PLEKHG1: variants seen among roughly 807,000 people sequenced by gnomAD.
PLEKHG1 encodes the protein pleckstrin homology domain-containing family G member 1.
PLEKHG1 carries 44 observed loss-of-function variants against 100.8 expected under a neutral mutation model. The observed-to-expected ratio is 0.44, with a 90% confidence interval of 0.34 to 0.56. PLEKHG1 has a LOEUF of 0.56. Among genes scored for constraint, PLEKHG1 ranks in the 20% least tolerant of loss-of-function variants. The pLI, the probability that PLEKHG1 is intolerant of heterozygous loss-of-function variation, is 0.01. For missense variants in PLEKHG1, 1,545 were observed against 1,720.9 expected (o/e 0.90, Z 1.81); for synonymous variants, 640 against 662.5 (o/e 0.97, Z 0.52).
At chr6:150,840,144 G>C in exon 16 of PLEKHG1, 1 of 1,614,230 alleles carries the variant, frequency 6.2e-7, no homozygotes, top group Non-Finnish European at 8.5e-7. Context: ...TCAAACCTCT[G>C]ACCCTCTGCC....
chr6:150,827,930 T>A, intron 14 of PLEKHG1: 2 of 1,603,600 alleles, frequency 1.2e-6, no homozygotes, highest in Non-Finnish European at 1.7e-6. Context: ...AACTGAAGAA[T>A]AAATCTGGAA....
chr6:150,651,319 C>G (rs1053103191), intron 3 of PLEKHG1: 1 of 152,156 alleles, frequency 6.6e-6, no homozygotes, highest in Non-Finnish European at 1.5e-5. Flanking sequence ...TCACTGCAAC[C>G]TCCTCCCGAT....
intron 3 of PLEKHG1, among the ~76,000 whole-genome samples, chr6:150,661,995 G>A (rs1779212378): frequency 2.0e-5 from 3 of 152,098 alleles, no homozygotes; most frequent in African/African-American, 7.2e-5. Flanking sequence ...AGAAGGATGA[G>A]GAGACAGTCA....
Position 150,831,418 on chromosome 6 carries a change from G to T in PLEKHG1, c.2307G>T (p.Leu769Phe), listed in dbSNP as rs760870021. The T allele has an allele frequency of 6.2e-7, 1 of 1,614,072 alleles. No homozygotes were observed. The highest frequency in any genetic ancestry group is 1.1e-5 in the South Asian group (1 of 91,074). Reference sequence around the variant, plus strand: ...AGCGTGCAAAGCGGAGCACCTTTTTGGGTCTGGAGGCCGACTTCGTGTGCT... The same window carrying T: ...AGCGTGCAAAGCGGAGCACCTTTTTTGGTCTGGAGGCCGACTTCGTGTGCT... Residue 769 changes from leucine (L) to phenylalanine (F), a missense_variant, in exon 15 of 16, where the codon TTG becomes TTT. Physicochemically the swap from Leu to Phe is conservative, Grantham distance 22. Coordinates refer to ENST00000358517, the Ensembl canonical transcript of PLEKHG1. The surrounding 1 kb of genome is among the most constrained non-coding windows in gnomAD (Gnocchi z 4.1).
intron 2 of PLEKHG1, among the ~76,000 whole-genome samples, chr6:150,755,413 T>G (rs536125543): frequency 2.0e-5 from 3 of 152,164 alleles, no homozygotes; most frequent in Admixed American, 2.0e-4. Context: ...CAGAGAATGG[T>G]GGGGGGATAA....
chr6:150,627,224 G>A (rs1458827363), intron 1 of PLEKHG1, among the ~76,000 whole-genome samples: 1 of 152,122 alleles, frequency 6.6e-6, no homozygotes, highest in Non-Finnish European at 1.5e-5. Flanking sequence ...ACTTTTTGTG[G>A]CAGTCAGAGA....
chr6:150,788,539 G>C (rs1038064097), intron 4 of PLEKHG1, among the ~76,000 whole-genome samples: 2 of 152,180 alleles, frequency 1.3e-5, no homozygotes, highest in African/African-American at 4.8e-5. Flanking sequence ...TGATGCTCAT[G>C]GAAGAATGAA....
chr6:150,833,043 ATTT>A (rs57683244), intron 15 of PLEKHG1, among the ~76,000 whole-genome samples: 20 of 133,486 alleles, frequency 1.5e-4, no homozygotes, highest in African/African-American at 2.0e-4. Context: ...TTACTACTCA[ATTT>A]TTTTTTTTTT....
chr6:150,670,309 A>T (rs1283188189), intron 3 of PLEKHG1, among the ~76,000 whole-genome samples: 1 of 152,154 alleles, frequency 6.6e-6, no homozygotes, highest in Non-Finnish European at 1.5e-5. Context: ...CATTGACTTT[A>T]TAAGGAATAT....
Position 150,829,679 on chromosome 6 carries a change from T to C in PLEKHG1, c.1471-903T>C, listed in dbSNP as rs540926949. Among the ~76,000 whole-genome samples the C allele has an allele frequency of 1.1e-4, 17 of 152,266 alleles. No homozygotes were observed. The South Asian group carries it at 3.1e-3, about 28-fold the overall frequency. ...TAATATTGTTCCTATTTTACTTCCTTATAGGCAACTAAATGTTAATTAAAT... is the reference window on the plus strand; with the variant it reads ...TAATATTGTTCCTATTTTACTTCCTCATAGGCAACTAAATGTTAATTAAAT... On this transcript the variant is annotated intron_variant, in intron 14 of 15. Coordinates refer to ENST00000358517, the Ensembl canonical transcript of PLEKHG1.
intron 3 of PLEKHG1, among the ~76,000 whole-genome samples, chr6:150,671,344 T>C (rs9480515): frequency 0.087 from 13,302 of 152,228 alleles, 596 homozygotes; most frequent in Admixed American, 0.1. Flanking sequence ...TACTAGTTTA[T>C]ATTCCCACCA....
intron 2 of PLEKHG1, among the ~76,000 whole-genome samples, chr6:150,759,167 C>T (rs1282396630): frequency 6.6e-6 from 1 of 152,100 alleles, no homozygotes; most frequent in Non-Finnish European, 1.5e-5. Flanking sequence ...GAAGGAAGGA[C>T]GAGAACTCAT....
At chr6:150,802,572 G>A (rs1786774688) in intron 6 of PLEKHG1, among the ~76,000 whole-genome samples, 1 of 151,872 alleles carries the variant, frequency 6.6e-6, no homozygotes, top group Non-Finnish European at 1.5e-5. Flanking sequence ...AAAAACAGTG[G>A]TTGGATTAAT....
intron 2 of PLEKHG1, among the ~76,000 whole-genome samples, chr6:150,743,716 C>A (rs1000195892): frequency 6.6e-6 from 1 of 152,162 alleles, no homozygotes; most frequent in Non-Finnish European, 1.5e-5. Flanking sequence ...TATTCCCTAC[C>A]CTTTCTCCCA....
chr6:150,717,418 C>A (rs1303682569), upstream of PLEKHG1, among the ~76,000 whole-genome samples: 5 of 151,886 alleles, frequency 3.3e-5, 1 homozygote, highest in East Asian at 9.7e-4. Flanking sequence ...TCAAGTGATC[C>A]TTCCTTCCAT....
chr6:150,714,187 C>T lies in PLEKHG1; in HGVS notation c.-98-19397C>T, dbSNP rs116921076. On this transcript the variant is annotated intron_variant, in intron 3 of 3. Coordinates refer to the PLEKHG1 transcript ENST00000367326. ...ATTGTGCTGAGCACAGCCAGTCCTC[C>T]GATGGTGTCCTTAGAGATGGGACTG... Among the ~76,000 whole-genome samples, 60 of 152,322 alleles carry T rather than the reference C, an allele frequency of 3.9e-4. No homozygotes were observed. The East Asian group carries it at 7.3e-3, about 19-fold the overall frequency.
intron 4 of PLEKHG1, among the ~76,000 whole-genome samples, chr6:150,793,390 A>G (rs539011653): frequency 6.6e-6 from 1 of 152,306 alleles, no homozygotes; most frequent in East Asian, 1.9e-4. Flanking sequence ...ACAGAGCAAG[A>G]CCCTGTCTTG....
intron 1 of PLEKHG1, among the ~76,000 whole-genome samples, chr6:150,601,072 T>TG (rs1776339777): frequency 6.6e-6 from 1 of 152,118 alleles, no homozygotes; most frequent in Non-Finnish European, 1.5e-5. Flanking sequence ...CAGAACTATA[T>TG]TGTGTTTTGT....
intron 3 of PLEKHG1, among the ~76,000 whole-genome samples, chr6:150,779,235 C>T (rs1445254335): frequency 6.6e-6 from 1 of 152,084 alleles, no homozygotes; most frequent in Admixed American, 6.5e-5. Flanking sequence ...CTGGCTGGGT[C>T]CCCGAGACAC....
Sources: allele counts gnomAD v4.1 joint callset (sites outside exome capture counted in the v4.1 genomes callset), GRCh38; gene constraint gnomAD v4.1.1; non-coding constraint Gnocchi (gnomAD v3.1); transcripts MANE v1.5; gene names NCBI Gene and HGNC (gene_info 2026-07-23, HGNC 2026-07-21).